RGS9: variants seen among roughly 807,000 people sequenced by gnomAD.
The protein encoded by RGS9 is regulator of G protein signaling 9.
RGS9 carries 78 observed loss-of-function variants against 102.0 expected under a neutral mutation model. That is an observed-to-expected ratio of 0.76 (90% CI 0.64 to 0.92). The LOEUF (loss-of-function observed/expected upper bound fraction) is 0.92. RGS9 is among the 40% of genes least tolerant of loss of function. The pLI is 0.00. For synonymous variants in RGS9, 353 were observed against 318.6 expected (o/e 1.11, Z -1.15); for missense variants, 833 against 866.1 (o/e 0.96, Z 0.48).
intron 17 of RGS9, among the ~76,000 whole-genome samples, chr17:65,212,004 G>A (rs1913324314): frequency 6.6e-6 from 1 of 152,192 alleles, no homozygotes; most frequent in Non-Finnish European, 1.5e-5. Context: ...CAGTGGCCTA[G>A]GCTGAGATGA....
intron 3 of RGS9, among the ~76,000 whole-genome samples, chr17:65,159,761 G>A (rs975639763): frequency 6.6e-6 from 1 of 152,330 alleles, no homozygotes; most frequent in Admixed American, 6.5e-5. Flanking sequence ...GTCTGGACCC[G>A]AGATGCAGGC....
chr17:65,178,941 G>A (rs114099061), intron 9 of RGS9, among the ~76,000 whole-genome samples: 2,524 of 152,272 alleles, frequency 0.017, 71 homozygotes, highest in African/African-American at 0.058. Flanking sequence ...AATCAAAAAT[G>A]TCTCCAGACA....
intron 9 of RGS9, among the ~76,000 whole-genome samples, chr17:65,181,039 A>G (rs1478974804): frequency 6.6e-6 from 1 of 152,192 alleles, no homozygotes; most frequent in Non-Finnish European, 1.5e-5. Context: ...TTCTTCATCC[A>G]GTCTACCAAT....
At chr17:65,183,482 A>G (rs1005086038) in intron 9 of RGS9, among the ~76,000 whole-genome samples, 2 of 152,112 alleles carry the variant, frequency 1.3e-5, no homozygotes, top group African/African-American at 4.8e-5. Flanking sequence ...TTTTTAGTAG[A>G]GACGGGGTTT....
chr17:65,140,648 G>A (rs896154120), intron 1 of RGS9, among the ~76,000 whole-genome samples: 2 of 152,210 alleles, frequency 1.3e-5, no homozygotes, highest in Non-Finnish European at 2.9e-5. Context: ...GCCAAGGTAG[G>A]TGGATCATCT....
intron 12 of RGS9, among the ~76,000 whole-genome samples, chr17:65,196,802 T>A (rs1432677417): frequency 6.6e-6 from 1 of 152,212 alleles, no homozygotes; most frequent in Admixed American, 6.5e-5. Flanking sequence ...CTGGCCAGGC[T>A]CCAGGCTGTT....
In RGS9 at chr17:65,140,237, C is replaced by T. The variant is rs187100710; in HGVS notation, c.57+2640C>T. Among the ~76,000 whole-genome samples the T allele has an allele frequency of 4.6e-4, 70 of 152,198 alleles. 1 individual carries two copies. The highest frequency in any genetic ancestry group is 3.4e-3 in the Middle Eastern group (1 of 294). The stretch of plus-strand genomic sequence containing the variant: ...TGCAATGCCCTGAGCTTTCCCATGA[C>T]GTAGGGCAGAGTGTGGAGGCTGTGG... On this transcript the variant is annotated intron_variant, in intron 1 of 18. Coordinates refer to ENST00000262406, the MANE Select transcript of RGS9 (RefSeq NM_003835.4).
intron 9 of RGS9, among the ~76,000 whole-genome samples, chr17:65,185,918 G>T (rs1347547877): frequency 6.6e-6 from 1 of 152,214 alleles, no homozygotes; most frequent in African/African-American, 2.4e-5. Flanking sequence ...AGAACACCAG[G>T]CAGCCAGGAT....
intron 1 of RGS9, 55 bp from the exon 2 acceptor site, chr17:65,153,367 G>T: frequency 6.7e-7 from 1 of 1,487,094 alleles, no homozygotes; most frequent in Non-Finnish European, 9.4e-7. Flanking sequence ...AAATTGCCCT[G>T]CACAACTTTC....
chr17:65,159,724 T>A (rs143809034), intron 3 of RGS9, among the ~76,000 whole-genome samples: 3,647 of 152,198 alleles, frequency 0.024, 65 homozygotes, highest in Non-Finnish European at 0.036. Context: ...GGGTGGGAAT[T>A]AAAGTGAAGT....
chr17:65,145,566 A>ATT (rs1567858058), intron 1 of RGS9, among the ~76,000 whole-genome samples: 3 of 118,304 alleles, frequency 2.5e-5, no homozygotes, highest in Admixed American at 7.3e-5. Context: ...TTTTTTTTTA[A>ATT]TATATTTTTA....
At position 65,225,157 on chromosome 17, in the gene RGS9, C is replaced by A. The variant is rs1259641371; in HGVS notation, c.1563C>A (p.Ile521=). ...SRFIRRPSTT[I]CPSPIRVALE... is the part of the protein sequence containing the mutation. ...TCATCCGGCGACCCAGCACCACCAT[C>A]TGCCCCTCACCCATCAGAGTGGCCT... is the stretch of plus-strand genomic sequence containing the variant. The change falls in exon 18 of 19, where the codon ATC becomes ATA. Residue 521 remains isoleucine, a synonymous_variant. Transcript: ENST00000262406. The A allele has an allele frequency of 6.2e-7, 1 of 1,613,744 alleles. No individual in the cohort carries two copies. The highest frequency in any genetic ancestry group is 1.1e-5 in the South Asian group (1 of 91,086).
intron 12 of RGS9, among the ~76,000 whole-genome samples, chr17:65,196,607 C>T (rs372772345): frequency 3.3e-4 from 50 of 151,374 alleles, no homozygotes; most frequent in African/African-American, 9.6e-4. Context: ...GGGTCTACTC[C>T]GAGGCACATG....
In RGS9 at chr17:65,210,509, G is replaced by A; in HGVS notation, c.1311G>A (p.Arg437=). 6.2e-7 allele frequency: 1 copy of A among 1,613,462 alleles called. No individual in the cohort carries two copies. Among genetic ancestry groups the A allele is most frequent in the Non-Finnish European group, 8.5e-7 (1 of 1,179,976 alleles). The change falls in exon 17 of 19, where the codon CGG becomes CGA. Residue 437 remains arginine (R), a synonymous_variant. Transcript: ENST00000262406. ...CCAGCTCCACCCTCCCTTTTATGCG[G>A]CGTCACCTGCGCTCCAGCCCAAGCC... ...TKKSSTLPFM[R]RHLRSSPSPV...
chr17:65,170,344 C>T (rs775659658), intron 8 of RGS9, among the ~76,000 whole-genome samples: 45 of 152,282 alleles, frequency 3.0e-4, no homozygotes, highest in Non-Finnish European at 4.7e-4. Context: ...TGAGCCACCG[C>T]GCCTGGCCGC....
chr17:65,167,059 GA>G (rs1911213970), intron 7 of RGS9, among the ~76,000 whole-genome samples: 1 of 152,180 alleles, frequency 6.6e-6, no homozygotes, highest in South Asian at 2.1e-4. Context: ...GGTCTCCGTG[GA>G]AATGGTACAG....
chr17:65,162,594 C>T (rs931038942), intron 6 of RGS9, among the ~76,000 whole-genome samples: 1 of 151,896 alleles, frequency 6.6e-6, no homozygotes, highest in African/African-American at 2.4e-5. Flanking sequence ...TCCCGAGTTG[C>T]TGGGACTACA....
At chr17:65,219,748 A>G (rs1913635643) in intron 17 of RGS9, among the ~76,000 whole-genome samples, 1 of 152,190 alleles carries the variant, frequency 6.6e-6, no homozygotes, top group African/African-American at 2.4e-5. Context: ...TTGGCCTATT[A>G]TAAGCCCTCA....
In RGS9 at chr17:65,225,158, T is replaced by C; in HGVS notation, c.1564T>C (p.Cys522Arg). 6.2e-7 allele frequency: 1 copy of C among 1,613,710 alleles called. No individual in the cohort carries two copies. The highest frequency in any genetic ancestry group is 8.5e-7 in the Non-Finnish European group (1 of 1,180,028). Residue 522 changes from cysteine to arginine, a missense_variant, in exon 18 of 19, where the codon TGC (cysteine) becomes CGC (arginine). By Grantham distance (180) the Cys-to-Arg change is radical (BLOSUM62 -3). This residue lies in a region of RGS9 where 320 missense variants were observed against 276.8 expected (regional missense o/e 1.16). Transcript: ENST00000262406. The part of the protein sequence containing the change: ...RFIRRPSTTI[C>R]PSPIRVALES... ...CATCCGGCGACCCAGCACCACCATC[T>C]GCCCCTCACCCATCAGAGTGGCCTT...
Sources: gnomAD v4.1 joint callset for allele counts (sites outside exome capture counted in the v4.1 genomes callset) on GRCh38, gnomAD v4.1.1 for gene constraint, gnomAD v4.1.1 regional missense constraint, MANE v1.5 for transcripts, NCBI Gene and HGNC (gene_info 2026-07-23, HGNC 2026-07-21) for gene names.